The following DEPDC1 variants were observed in gnomAD, a reference collection of about 807,000 sequenced individuals.
The protein encoded by DEPDC1 is DEP domain containing 1, also known as DEP domain-containing protein 1A.
A neutral mutation model predicts 86.8 loss-of-function variants in DEPDC1; 66 were observed. That is an observed-to-expected ratio of 0.76 (90% CI 0.62 to 0.93). The LOEUF (loss-of-function observed/expected upper bound fraction) is 0.93, where lower values mean the gene tolerates loss of function less well. DEPDC1 is among the 40% of genes least tolerant of loss of function. The probability of loss-of-function intolerance (pLI) is 0.00; values close to 1 mark genes in which losing one functional copy is unlikely to be tolerated. For missense variants in DEPDC1, 792 were observed against 935.7 expected, an observed-to-expected ratio of 0.85 and a Z score of 2.00; for synonymous variants, 255 against 314.9, an observed-to-expected ratio of 0.81 and a Z score of 2.02.
rs1400242931 is a variant in DEPDC1, at chr1:68,496,381, G to A, written c.48+571C>T. 6.6e-6 allele frequency among the ~76,000 whole-genome samples: 1 copy of A among 152,204 alleles called. No individual in the cohort carries two copies. The highest frequency in any genetic ancestry group is 1.5e-5 in the Non-Finnish European group (1 of 68,040). ...CCCAACTGCACAAAACGCGTTAGGAGTGCTGTACGTGCAATTCAGGGACCA... is the reference window on the plus strand; with the variant it reads ...CCCAACTGCACAAAACGCGTTAGGAATGCTGTACGTGCAATTCAGGGACCA... On this transcript the variant is annotated intron_variant, in intron 1 of 11. Transcript: ENST00000456315. The surrounding 1 kb of genome is among the most constrained non-coding windows in gnomAD (Gnocchi z 4.0).
At position 68,482,789 on chromosome 1, in the gene DEPDC1, T is replaced by C. The variant is rs756159027; in HGVS notation, c.1019A>G (p.Lys340Arg). ...ACTGAGAAGAAGGCACTCAGTTGAT[T>C]TGAAGGAATTCAAATTGTTTAAGTG... ...FLHLNNLNSF[K>R]STECLLLSLL... The change falls in exon 8 of 12, where the codon AAA (lysine) becomes AGA (arginine). Residue 340 changes from lysine to arginine, a missense_variant. Physicochemically the swap from Lys to Arg is conservative, Grantham distance 26 (BLOSUM62 2). Transcript: ENST00000456315. 13 of 1,612,452 alleles carry C rather than the reference T, an allele frequency of 8.1e-6. No individual in the cohort carries two copies. The African/African-American group carries it at 1.2e-4, about 15-fold the overall frequency.
At chr1:68,490,882 C>A (rs552002340) in intron 2 of DEPDC1, among the ~76,000 whole-genome samples, 1 of 152,122 alleles carries the variant, frequency 6.6e-6, no homozygotes, top group Non-Finnish European at 1.5e-5. Flanking sequence ...TAAGGCCATG[C>A]ACCTACAACC....
intron 2 of DEPDC1, among the ~76,000 whole-genome samples, chr1:68,493,550 T>C (rs1444374551): frequency 3.3e-5 from 5 of 152,172 alleles, no homozygotes; most frequent in African/African-American, 4.8e-5. Context: ...ACAAGATTTG[T>C]TGAAGCATGG....
rs1185952573 is a variant in DEPDC1, at chr1:68,496,298, G to A, written c.48+654C>T. ...CAATGTGGAAACAGGCTCACAGAAG[G>A]TAGGGGACTCACCTAACGTCACATA... is the stretch of plus-strand genomic sequence containing the variant. On this transcript the variant is annotated intron_variant, in intron 1 of 11. Coordinates refer to ENST00000456315, the MANE Select transcript of DEPDC1 (RefSeq NM_001114120.3). This position sits in a 1 kb window ranked among gnomAD's most constrained non-coding sequence, Gnocchi z 4.0. Among the ~76,000 whole-genome samples, 3 of 152,144 alleles carry A rather than the reference G, an allele frequency of 2.0e-5. No individual in the cohort carries two copies. The highest frequency in any genetic ancestry group is 2.9e-5 in the Non-Finnish European group (2 of 68,032).
chr1:68,489,663 G>T, intron 2 of DEPDC1, 55 bp from the exon 3 acceptor site: 1 of 1,380,838 alleles, frequency 7.2e-7, no homozygotes, highest in Non-Finnish European at 9.7e-7. Flanking sequence ...CAAACTTTTA[G>T]AGCCTATTTT....
intron 2 of DEPDC1, among the ~76,000 whole-genome samples, chr1:68,490,224 G>A (rs569484529): frequency 6.6e-6 from 1 of 152,092 alleles, no homozygotes; most frequent in Admixed American, 6.5e-5. Context: ...CATCACCCAA[G>A]TATTTAGTAC....
intron 1 of DEPDC1, among the ~76,000 whole-genome samples, chr1:68,495,697 GT>G (rs925523312): frequency 2.0e-5 from 3 of 152,194 alleles, no homozygotes; most frequent in African/African-American, 7.2e-5. Flanking sequence ...AGTTAGACTA[GT>G]AGGGCTGGTT....
intron 7 of DEPDC1, 90 bp from the exon 8 acceptor site, chr1:68,482,987 C>G: frequency 1.5e-6 from 2 of 1,332,232 alleles, no homozygotes; most frequent in Non-Finnish European, 2.0e-6. Context: ...AAAAATAAAG[C>G]ATTACTATAG....
intron 2 of DEPDC1, among the ~76,000 whole-genome samples, chr1:68,493,270 C>A (rs1443857625): frequency 6.6e-6 from 1 of 151,768 alleles, no homozygotes; most frequent in African/African-American, 2.4e-5. Flanking sequence ...ACATAGGAAA[C>A]AATAAATTCT....
intron 8 of DEPDC1, chr1:68,481,816 C>T (rs1646157811): frequency 3.3e-6 from 2 of 611,460 alleles, no homozygotes; most frequent in African/African-American, 1.9e-5. Flanking sequence ...AAATTCTTCA[C>T]TTATTACAAA....
Position 68,482,751 on chromosome 1 carries a change from C to T in DEPDC1, c.1057G>A (p.Glu353Lys), listed in dbSNP as rs999866879. ...GAATCTGATTCTTCTTTGTTTTTTTCTCTATGAAGCAGACTGAGAAGAAGG... is the reference window on the plus strand; with the variant it reads ...GAATCTGATTCTTCTTTGTTTTTTTTTCTATGAAGCAGACTGAGAAGAAGG... ...ECLLLSLLHREKNKEESDSTE... is the reference protein window; with the variant it reads ...ECLLLSLLHRKKNKEESDSTE... The change falls in exon 8 of 12, where the codon GAA becomes AAA. Residue 353 changes from glutamate to lysine, a missense_variant. Glu to Lys is a moderately conservative substitution (Grantham distance 56). Transcript: ENST00000456315. 35 of 1,611,912 alleles carry T rather than the reference C, an allele frequency of 2.2e-5. No individual in the cohort carries two copies. The highest frequency in any genetic ancestry group is 3.0e-5 in the Non-Finnish European group (35 of 1,179,120).
At position 68,496,718 on chromosome 1, in the gene DEPDC1, C is replaced by CG; in HGVS notation, c.48+233dup. On this transcript the variant is annotated intron_variant, in intron 1 of 11. Coordinates refer to ENST00000456315, the MANE Select transcript of DEPDC1 (RefSeq NM_001114120.3). The surrounding 1 kb of genome is among the most constrained non-coding windows in gnomAD (Gnocchi z 4.0). ...CTCATAGCGAGTCTGGTGCGGCCTA[C>CG]GCGCGGCGCTTCCTTTCGGACCTGA... 2.2e-6 allele frequency: 1 copy of CG among 445,676 alleles called. No homozygotes were observed. The highest frequency in any genetic ancestry group is 4.0e-6 in the Non-Finnish European group (1 of 249,084). 27.6% of individuals were successfully genotyped at this position (445,676 alleles called of 1,614,324 possible). A position where few individuals can be genotyped will look rare whatever the true frequency, so the allele number is the denominator to read the frequency against.
chr1:68,479,477 G>T (rs1057099627), intron 9 of DEPDC1, among the ~76,000 whole-genome samples, 157 bp from the exon 10 acceptor site: 1 of 152,006 alleles, frequency 6.6e-6, no homozygotes, highest in Non-Finnish European at 1.5e-5. Context: ...AGTTAGAAAT[G>T]TAAGAATTTG....
intron 6 of DEPDC1, 78 bp from the exon 7 acceptor site, chr1:68,484,168 A>C (rs1439827444): frequency 3.4e-6 from 4 of 1,169,408 alleles, no homozygotes; most frequent in Non-Finnish European, 4.6e-6. Context: ...AAAGTATAAA[A>C]TCTGTATTTC....
At chr1:68,484,201 C>T in intron 6 of DEPDC1, 111 bp from the exon 7 acceptor site, 1 of 752,828 alleles carries the variant, frequency 1.3e-6, no homozygotes, top group Non-Finnish European at 2.0e-6. Flanking sequence ...GGTTTAACAA[C>T]AAATTCTGCC....
chr1:68,491,529 G>T (rs1646228623), intron 2 of DEPDC1, among the ~76,000 whole-genome samples: 1 of 152,126 alleles, frequency 6.6e-6, no homozygotes, highest in African/African-American at 2.4e-5. Flanking sequence ...TGCTGGCAAG[G>T]TTGCGGAGAA....
intron 10 of DEPDC1, 153 bp downstream of exon 10, chr1:68,478,991 G>A (rs377741813): frequency 3.3e-6 from 2 of 604,268 alleles, no homozygotes; most frequent in East Asian, 2.9e-5. Context: ...GAGTCATATA[G>A]CTATTTGAGT....
chr1:68,478,465 C>T (rs1646132084), intron 10 of DEPDC1, among the ~76,000 whole-genome samples: 2 of 147,628 alleles, frequency 1.4e-5, no homozygotes, highest in Non-Finnish European at 3.0e-5. Flanking sequence ...TTTTTTGAGG[C>T]CTAGGGACAT....
At chr1:68,494,283 A>C in intron 2 of DEPDC1, 147 bp downstream of exon 2, 1 of 752,840 alleles carries the variant, frequency 1.3e-6, no homozygotes, top group Admixed American at 3.3e-5. Context: ...AATTTTTCTA[A>C]ATGATTTTAG....
Sources: gnomAD v4.1 joint callset for allele counts (sites outside exome capture counted in the v4.1 genomes callset) on GRCh38, gnomAD v4.1.1 for gene constraint, Gnocchi (gnomAD v3.1) non-coding constraint, MANE v1.5 for transcripts, NCBI Gene and HGNC (gene_info 2026-07-23, HGNC 2026-07-21) for gene names.